The following CWC27 variants were observed in gnomAD, a reference collection of about 807,000 sequenced individuals.
CWC27 encodes spliceosome-associated protein CWC27 homolog.
A neutral mutation model predicts 63.6 loss-of-function variants in CWC27; 47 were observed. The observed-to-expected ratio is 0.74, with a 90% CI of 0.58 to 0.94. The LOEUF is 0.94. CWC27 is among the 40% of genes least tolerant of loss of function. CWC27 has a pLI of 0.00. For synonymous variants in CWC27, 175 were observed against 179.8 expected, an observed-to-expected ratio of 0.97 and a Z score of 0.22; for missense variants, 495 against 554.3, an observed-to-expected ratio of 0.89 and a Z score of 1.07.
intron 11 of CWC27, among the ~76,000 whole-genome samples, chr5:64,895,893 G>C (rs1747361881): frequency 6.6e-6 from 1 of 152,116 alleles, no homozygotes. Context: ...CCCAAAAACA[G>C]ATTGGAAACC....
chr5:64,788,764 A>G (rs1013647773), intron 6 of CWC27, among the ~76,000 whole-genome samples, 187 bp from the exon 7 acceptor site: 1 of 152,040 alleles, frequency 6.6e-6, no homozygotes, highest in African/African-American at 2.4e-5. Flanking sequence ...CAAAAGCTTT[A>G]ACATCATACT....
intron 13 of CWC27, among the ~76,000 whole-genome samples, chr5:65,006,721 G>T (rs146625378): frequency 6.6e-6 from 1 of 151,776 alleles, no homozygotes; most frequent in Admixed American, 6.6e-5. Context: ...AAAAGAGTAG[G>T]GAAACATAAT....
chr5:64,992,328 G>A (rs1749550546), intron 13 of CWC27, among the ~76,000 whole-genome samples: 1 of 152,154 alleles, frequency 6.6e-6, no homozygotes, highest in South Asian at 2.1e-4. Flanking sequence ...TGGTGAGATT[G>A]TTTGTCACAC....
At chr5:64,881,956 A>T (rs972739866) in intron 10 of CWC27, among the ~76,000 whole-genome samples, 2 of 152,218 alleles carry the variant, frequency 1.3e-5, no homozygotes, top group Non-Finnish European at 2.9e-5. Context: ...CATAATAAAA[A>T]GATAGGAATG....
intron 11 of CWC27, among the ~76,000 whole-genome samples, chr5:64,890,542 T>C (rs7727280): frequency 0.34 from 51,081 of 151,874 alleles, 8,931 homozygotes; most frequent in East Asian, 0.52. Flanking sequence ...TTAGGTACTG[T>C]TGAGTTATTT....
intron 10 of CWC27, among the ~76,000 whole-genome samples, chr5:64,881,250 A>T: frequency 6.6e-6 from 1 of 152,034 alleles, no homozygotes; most frequent in Non-Finnish European, 1.5e-5. Context: ...ATCTGTATAG[A>T]CCTACCCTTC....
chr5:64,785,674 A>G (rs994344598), intron 5 of CWC27, 95 bp downstream of exon 5: 2 of 721,172 alleles, frequency 2.8e-6, no homozygotes, highest in Non-Finnish European at 4.6e-6. Context: ...AAGGCTTTAT[A>G]CTATGTTAAC....
chr5:64,834,636 T>TA (rs1561427689), intron 10 of CWC27, among the ~76,000 whole-genome samples: 2 of 151,880 alleles, frequency 1.3e-5, no homozygotes, highest in Admixed American at 6.6e-5. Context: ...TTTTTACTGA[T>TA]ATCTGCCCTT....
At chr5:64,813,146 G>A (rs775734029) in intron 10 of CWC27, among the ~76,000 whole-genome samples, 2 of 151,924 alleles carry the variant, frequency 1.3e-5, no homozygotes, top group Admixed American at 1.3e-4. Context: ...TGTTTTAATT[G>A]CCTTTACCAG....
chr5:64,922,290 T>C (rs1158311882), intron 11 of CWC27, among the ~76,000 whole-genome samples: 1 of 152,228 alleles, frequency 6.6e-6, no homozygotes. Flanking sequence ...GTTTGGTGTT[T>C]TTACATAATC....
intron 10 of CWC27, among the ~76,000 whole-genome samples, chr5:64,857,366 A>C (rs1348512145): frequency 6.6e-6 from 1 of 152,196 alleles, no homozygotes; most frequent in Non-Finnish European, 1.5e-5. Context: ...AGCAATACAA[A>C]GCATAAAAAA....
At chr5:64,835,764 C>T (rs1745643747) in intron 10 of CWC27, among the ~76,000 whole-genome samples, 1 of 151,712 alleles carries the variant, frequency 6.6e-6, no homozygotes, top group African/African-American at 2.4e-5. Context: ...TTTCTGATGA[C>T]TTTTGTTTTA....
chr5:64,939,968 C>A (rs1254836843), intron 11 of CWC27, among the ~76,000 whole-genome samples: 3 of 152,226 alleles, frequency 2.0e-5, no homozygotes, highest in Admixed American at 1.3e-4. Context: ...TCCCTTCCCC[C>A]ACCAAGCTGG....
chr5:64,947,671 C>T (rs994445897), intron 11 of CWC27, among the ~76,000 whole-genome samples: 1 of 152,078 alleles, frequency 6.6e-6, no homozygotes, highest in African/African-American at 2.4e-5. Context: ...AATTTCAGCT[C>T]ATTCAGCATA....
chr5:64,906,014 T>C (rs1747629902), intron 11 of CWC27, among the ~76,000 whole-genome samples: 1 of 127,370 alleles, frequency 7.9e-6, no homozygotes, highest in Non-Finnish European at 1.5e-5. Flanking sequence ...GAACTCATCC[T>C]TTTTTTATGG....
At chr5:64,925,271 A>G (rs757316372) in intron 11 of CWC27, among the ~76,000 whole-genome samples, 2 of 152,182 alleles carry the variant, frequency 1.3e-5, no homozygotes, top group South Asian at 2.1e-4. Flanking sequence ...AATGATGTCA[A>G]GTAGACCTGA....
intron 11 of CWC27, among the ~76,000 whole-genome samples, chr5:64,914,286 C>T (rs570813489): frequency 1.2e-4 from 18 of 152,068 alleles, no homozygotes; most frequent in African/African-American, 4.1e-4. Context: ...AAGAAGTAAT[C>T]GTAAAGGAAA....
chr5:64,896,712 A>G (rs749151956), intron 11 of CWC27, among the ~76,000 whole-genome samples: 8 of 152,010 alleles, frequency 5.3e-5, no homozygotes, highest in Non-Finnish European at 1.0e-4. Context: ...ATAAGAAAGG[A>G]AAGAAAAATA....
At chr5:64,956,741 A>G (rs1748809851) in intron 11 of CWC27, among the ~76,000 whole-genome samples, 1 of 152,164 alleles carries the variant, frequency 6.6e-6, no homozygotes, top group Admixed American at 6.6e-5. Flanking sequence ...ATAGAGTAGA[A>G]AAAGGATGAG....
Sources: gnomAD v4.1 joint callset for allele counts (sites outside exome capture counted in the v4.1 genomes callset) on GRCh38, gnomAD v4.1.1 for gene constraint, MANE v1.5 for transcripts, NCBI Gene and HGNC (gene_info 2026-07-23, HGNC 2026-07-21) for gene names.